SIM2: variants seen among roughly 807,000 people sequenced by gnomAD.
The protein encoded by SIM2 is SIM bHLH transcription factor 2.
A neutral mutation model predicts 64.8 loss-of-function variants in SIM2; 28 were observed. The observed-to-expected ratio is 0.43, with a 90% confidence interval of 0.32 to 0.59. SIM2 has a LOEUF of 0.59. Ranked by LOEUF, SIM2 falls within the 20% of genes least tolerant of loss-of-function variation. The pLI is 0.07. For missense variants in SIM2, 847 were observed against 871.4 expected (o/e 0.97, Z 0.35); for synonymous variants, 408 against 391.1 (o/e 1.04, Z -0.51).
intron 5 of SIM2, among the ~76,000 whole-genome samples, chr21:36,723,524 G>C (rs990529777): frequency 1.3e-5 from 2 of 152,190 alleles, no homozygotes; most frequent in Non-Finnish European, 2.9e-5. Flanking sequence ...GCTCCACCAA[G>C]TTCCCTGCCG....
intron 7 of SIM2, among the ~76,000 whole-genome samples, chr21:36,736,972 T>G (rs903837587): frequency 6.6e-6 from 1 of 152,014 alleles, no homozygotes; most frequent in East Asian, 1.9e-4. Context: ...TGTCACCCAG[T>G]CTGGAATACA....
chr21:36,713,013 A>T (rs1306683714), intron 3 of SIM2, among the ~76,000 whole-genome samples: 1 of 152,206 alleles, frequency 6.6e-6, no homozygotes, highest in African/African-American at 2.4e-5. Context: ...ATAAAGCAAG[A>T]GGTAAGCTGA....
Position 36,707,980 on chromosome 21 carries a change from T to G in SIM2, c.176-1188T>G, listed in dbSNP as rs1206975520. Among the ~76,000 whole-genome samples the G allele has an allele frequency of 6.6e-5, 10 of 151,902 alleles. 1 individual carries two copies. In the South Asian group the frequency reaches 2.1e-3, roughly 32 times the overall value. ...GGGGCTGGGCCTGGCCCAGCGTGGG[T>G]TGGGGCGGGGGACGCGCCAGCAGCG... is the stretch of plus-strand genomic sequence containing the variant. On this transcript the variant is annotated intron_variant, in intron 1 of 10. Coordinates refer to ENST00000290399, the MANE Select transcript of SIM2 (RefSeq NM_005069.6).
At chr21:36,746,689 T>C (rs1005689905) in intron 10 of SIM2, among the ~76,000 whole-genome samples, 1 of 152,192 alleles carries the variant, frequency 6.6e-6, no homozygotes, top group Non-Finnish European at 1.5e-5. Flanking sequence ...TCCCTTAGAT[T>C]TGCATCTGCC....
chr21:36,713,329 C>T (rs1322442705), intron 3 of SIM2, among the ~76,000 whole-genome samples: 11 of 152,288 alleles, frequency 7.2e-5, no homozygotes, highest in East Asian at 3.9e-4. Flanking sequence ...TTTGTCTCTC[C>T]CTGGCAAGCC....
intron 7 of SIM2, among the ~76,000 whole-genome samples, chr21:36,741,317 A>G (rs2089155429): frequency 6.6e-6 from 1 of 152,218 alleles, no homozygotes; most frequent in African/African-American, 2.4e-5. Context: ...GTAAATAACT[A>G]CATCACTCAC....
chr21:36,728,842 G>T (rs985620681), intron 6 of SIM2, among the ~76,000 whole-genome samples: 1 of 152,248 alleles, frequency 6.6e-6, no homozygotes, highest in Non-Finnish European at 1.5e-5. Flanking sequence ...TCACAGGAGC[G>T]AGGGTGGTCG....
chr21:36,720,082 C>T, intron 4 of SIM2, 153 bp downstream of exon 4: 1 of 608,972 alleles, frequency 1.6e-6, no homozygotes, highest in South Asian at 1.9e-5. Context: ...CAGCACCCAC[C>T]ACGTGGGGAT....
intron 10 of SIM2, among the ~76,000 whole-genome samples, chr21:36,746,837 C>G (rs572303373): frequency 8.7e-4 from 133 of 152,250 alleles, no homozygotes; most frequent in African/African-American, 3.1e-3. Context: ...ATTTGTGTGT[C>G]GGAAGCTGGC....
At chr21:36,734,010 C>T (rs556532964) in intron 7 of SIM2, among the ~76,000 whole-genome samples, 4 of 152,262 alleles carry the variant, frequency 2.6e-5, no homozygotes, top group East Asian at 1.9e-4. Flanking sequence ...GTGTCCCTCT[C>T]GTGCCCTTTT....
intron 6 of SIM2, among the ~76,000 whole-genome samples, chr21:36,728,725 A>C (rs1274335947): frequency 6.6e-6 from 1 of 152,230 alleles, no homozygotes; most frequent in Admixed American, 6.5e-5. Flanking sequence ...GGGCTGGCCC[A>C]GCCCTGGGAG....
intron 7 of SIM2, 90 bp downstream of exon 7, chr21:36,731,241 G>C: frequency 3.4e-6 from 3 of 869,972 alleles, no homozygotes; most frequent in Non-Finnish European, 5.4e-6. Context: ...CCTTTTGTTG[G>C]TGCAATAATC....
At position 36,726,404 on chromosome 21, in the gene SIM2, C is replaced by T; in HGVS notation, c.743+86C>T. ...GGTCCCTGAAAGCTGCCATCTTGGC[C>T]AAATCATAACAAGGAATAAGTCATA... On this transcript the variant is annotated intron_variant, in intron 6 of 10. Transcript: ENST00000290399. The surrounding 1 kb of genome is among the most constrained non-coding windows in gnomAD (Gnocchi z 4.5). 3 of 1,152,230 alleles carry T rather than the reference C, an allele frequency of 2.6e-6. No individual in the cohort carries two copies. In the South Asian group the frequency reaches 4.2e-5, roughly 16 times the overall value. 71.4% of individuals were successfully genotyped at this position (1,152,230 alleles called of 1,614,324 possible).
chr21:36,731,810 G>T (rs148901311), intron 7 of SIM2, among the ~76,000 whole-genome samples: 1 of 152,166 alleles, frequency 6.6e-6, no homozygotes, highest in Non-Finnish European at 1.5e-5. Flanking sequence ...GGAACATCAG[G>T]ATATAGAGGC....
rs2089211091 is a variant in SIM2 at position 36,744,978 on chromosome 21, G to A, written c.1418G>A (p.Cys473Tyr). The A allele has an allele frequency of 1.3e-5, 21 of 1,614,160 alleles. No individual in the cohort carries two copies. The highest frequency in any genetic ancestry group is 1.8e-5 in the Non-Finnish European group (21 of 1,180,064). ...TTCGGGCAGCCCCAAGGATCCCCTT[G>A]TGAGGTGGCACGCTTTTTCCTGAGC... ...AKFGQPQGSP[C>Y]EVARFFLSTL... The change falls in exon 10 of 11, where the codon TGT becomes TAT. Residue 473 changes from cysteine (C) to tyrosine (Y), a missense_variant. This residue lies in a region of SIM2 where 447 missense variants were observed against 414.6 expected (regional missense o/e 1.08). Coordinates refer to ENST00000290399, the MANE Select transcript of SIM2 (RefSeq NM_005069.6).
intron 7 of SIM2, among the ~76,000 whole-genome samples, 165 bp from the exon 8 acceptor site, chr21:36,741,552 T>C (rs900074419): frequency 1.3e-5 from 2 of 152,226 alleles, no homozygotes; most frequent in Non-Finnish European, 2.9e-5. Context: ...TGTGTGTGTG[T>C]GCACGCACGA....
In SIM2 at chr21:36,711,337, A is replaced by G. The variant is rs145067496; in HGVS notation, c.259-1196A>G. On this transcript the variant is annotated intron_variant, in intron 2 of 10. Coordinates refer to ENST00000290399, the MANE Select transcript of SIM2 (RefSeq NM_005069.6). ...TTGCTGTATAGTATATATTTTTGGA[A>G]CACCACAGGTTTAGTTGGGAAAATA... 2.7e-3 allele frequency among the ~76,000 whole-genome samples: 409 copies of G among 152,350 alleles called. 2 individuals carry two copies. Among genetic ancestry groups the G allele is most frequent in the African/African-American group, 9.5e-3 (394 of 41,574 alleles).
At chr21:36,704,440 C>A (rs1315384403) in intron 1 of SIM2, among the ~76,000 whole-genome samples, 1 of 152,258 alleles carries the variant, frequency 6.6e-6, no homozygotes, top group Non-Finnish European at 1.5e-5. Context: ...CAGGCTGCAG[C>A]TGGGGATCCA....
intron 4 of SIM2, among the ~76,000 whole-genome samples, chr21:36,722,598 G>A (rs1568931606): frequency 6.6e-6 from 1 of 152,114 alleles, no homozygotes; most frequent in Non-Finnish European, 1.5e-5. Context: ...AGTGGGAAGG[G>A]CAGAGCCCTG....
Sources: allele counts gnomAD v4.1 joint callset (sites outside exome capture counted in the v4.1 genomes callset), GRCh38; gene constraint gnomAD v4.1.1; regional missense constraint gnomAD v4.1.1; non-coding constraint Gnocchi (gnomAD v3.1); transcripts MANE v1.5; gene names NCBI Gene and HGNC (gene_info 2026-07-23, HGNC 2026-07-21).